KIF6: variants seen among roughly 807,000 people sequenced by gnomAD.
KIF6 encodes the protein kinesin family member 6, also known as kinesin-like protein KIF6.
A neutral mutation model predicts 112.7 loss-of-function variants in KIF6; 106 were observed. That is an observed-to-expected ratio of 0.94 (90% confidence interval 0.80 to 1.11). The LOEUF is 1.11. Ranked by LOEUF, KIF6 falls within the 50% of genes least tolerant of loss-of-function variation. The pLI is 0.00. For synonymous variants in KIF6, 339 were observed against 339.9 expected (o/e 1.00, Z 0.03); for missense variants, 929 against 964.0 (o/e 0.96, Z 0.48).
Position 39,577,995 on chromosome 6 carries a change from C to A in KIF6, c.1181+61G>T, listed in dbSNP as rs549069943. ...GGTGAATTCATAACATTAGGGCCAA[C>A]AAAGAAGTTAACACAAACTTTCACT... is the stretch of plus-strand genomic sequence containing the variant. On this transcript the variant is annotated intron_variant, in intron 10 of 22. Transcript: ENST00000287152. 1.6e-5 allele frequency: 18 copies of A among 1,160,884 alleles called. No individual in the cohort carries two copies. The African/African-American group carries it at 2.5e-4, about 16-fold the overall frequency. The allele number at this position is 1,160,884 out of a possible 1,614,324, so 71.9% of individuals were successfully genotyped here. A position where few individuals can be genotyped will look rare whatever the true frequency, so the allele number is the denominator to read the frequency against.
At chr6:39,358,160 G>A (rs1157389982) in intron 18 of KIF6, among the ~76,000 whole-genome samples, 2 of 152,150 alleles carry the variant, frequency 1.3e-5, no homozygotes, top group Non-Finnish European at 2.9e-5. Context: ...TCTAAGTCTT[G>A]GCAGAATGCC....
chr6:39,343,909 T>C lies in KIF6; in HGVS notation c.2322-94A>G. The C allele has an allele frequency of 1.5e-6, 1 of 686,400 alleles. No individual in the cohort carries two copies. The allele number at this position is 686,400 out of a possible 1,614,324, so 42.5% of individuals were successfully genotyped here. On this transcript the variant is annotated intron_variant, in intron 21 of 22. Coordinates refer to ENST00000287152, the MANE Select transcript of KIF6 (RefSeq NM_145027.6). The surrounding 1 kb of genome is among the most constrained non-coding windows in gnomAD (Gnocchi z 4.1). ...GCTTTTCCATTTTAGGTGACTGATC[T>C]CACTCAGAAAGCTACATGACACGGC...
At chr6:39,357,512 G>A (rs569736610) in intron 18 of KIF6, 138 bp from the exon 19 acceptor site, 25 of 548,916 alleles carry the variant, frequency 4.6e-5, no homozygotes, top group East Asian at 2.9e-4. Flanking sequence ...GCAGTGGCGC[G>A]ATCTCAGCTC....
intron 15 of KIF6, among the ~76,000 whole-genome samples, chr6:39,415,304 A>C (rs1769830941): frequency 8.8e-6 from 1 of 113,114 alleles, no homozygotes; most frequent in Non-Finnish European, 1.7e-5. Context: ...TAAAATGTAA[A>C]AAAAAAAAAA....
chr6:39,637,647 C>T (rs879463444), intron 4 of KIF6, among the ~76,000 whole-genome samples: 13 of 151,958 alleles, frequency 8.6e-5, no homozygotes, highest in South Asian at 4.2e-4. Context: ...CCATGTACCT[C>T]TCTAAGGCAA....
At chr6:39,502,067 A>G (rs551634820) in intron 13 of KIF6, among the ~76,000 whole-genome samples, 120 of 152,260 alleles carry the variant, frequency 7.9e-4, no homozygotes, top group Non-Finnish European at 1.5e-3. Context: ...AAAGAAAAAA[A>G]ATGTTAAGGG....
chr6:39,419,849 G>T, intron 15 of KIF6, 99 bp downstream of exon 15: 2 of 1,022,266 alleles, frequency 2.0e-6, no homozygotes, highest in Non-Finnish European at 1.6e-6. Context: ...CCTGAAACTG[G>T]CCATTTGGGG....
chr6:39,348,569 C>A (rs1763976964), intron 19 of KIF6, among the ~76,000 whole-genome samples: 1 of 152,198 alleles, frequency 6.6e-6, no homozygotes, highest in Non-Finnish European at 1.5e-5. Flanking sequence ...TTTGCCCAAC[C>A]AGCCTTTGAC....
intron 13 of KIF6, among the ~76,000 whole-genome samples, chr6:39,477,636 G>A (rs1774515090): frequency 1.3e-5 from 2 of 152,194 alleles, no homozygotes; most frequent in African/African-American, 4.8e-5. Context: ...GCCAAGGCTG[G>A]TGGATCACAA....
chr6:39,428,308 T>C (rs6900629), intron 14 of KIF6, among the ~76,000 whole-genome samples: 29,670 of 152,152 alleles, frequency 0.2, 6,805 homozygotes, highest in African/African-American at 0.55. Flanking sequence ...TGGCTGAAGG[T>C]TCTTTGGAAG....
intron 13 of KIF6, among the ~76,000 whole-genome samples, chr6:39,507,669 TTCCTTCCTTC>T (rs1263782646): frequency 1.4e-5 from 2 of 141,430 alleles, no homozygotes; most frequent in African/African-American, 5.3e-5. Flanking sequence ...CCTTCCTTCC[TTCCTTCCTTC>T]CTTCCTTCCT....
intron 1 of KIF6, among the ~76,000 whole-genome samples, chr6:39,724,439 C>T (rs1363880461): frequency 8.7e-6 from 1 of 115,040 alleles, no homozygotes; most frequent in Admixed American, 1.3e-4. Flanking sequence ...GGTGGCAGAG[C>T]GAGACTCCGT....
intron 10 of KIF6, among the ~76,000 whole-genome samples, chr6:39,565,025 C>G (rs1373894402): frequency 6.6e-6 from 1 of 152,176 alleles, no homozygotes; most frequent in African/African-American, 2.4e-5. Flanking sequence ...GTCAGAGGGA[C>G]AAGTATCCAT....
chr6:39,461,798 T>C (rs1432013622), intron 13 of KIF6, among the ~76,000 whole-genome samples: 1 of 152,208 alleles, frequency 6.6e-6, no homozygotes, highest in East Asian at 1.9e-4. Flanking sequence ...TTAATATTTG[T>C]ATCTGTATTG....
chr6:39,474,784 A>G (rs1378073011), intron 13 of KIF6, among the ~76,000 whole-genome samples: 5 of 152,234 alleles, frequency 3.3e-5, no homozygotes, highest in Non-Finnish European at 7.3e-5. Flanking sequence ...TTATCTCTGG[A>G]TAAGTGGCAA....
At chr6:39,550,815 T>C (rs1156864359) in intron 10 of KIF6, among the ~76,000 whole-genome samples, 1 of 152,220 alleles carries the variant, frequency 6.6e-6, no homozygotes, top group African/African-American at 2.4e-5. Context: ...GGGTGAGTTG[T>C]CTCTGACAGG....
intron 16 of KIF6, among the ~76,000 whole-genome samples, chr6:39,373,139 A>G (rs1038811450): frequency 1.3e-5 from 2 of 152,208 alleles, no homozygotes; most frequent in African/African-American, 4.8e-5. Flanking sequence ...TTTGTCTTCT[A>G]TATGTTTGGT....
Position 39,345,764 on chromosome 6 carries a change from G to A in KIF6, c.2257C>T (p.Pro753Ser), listed in dbSNP as rs780453398. Residue 753 changes from proline to serine, a missense_variant, in exon 21 of 23, where the codon CCC (proline) becomes TCC (serine). By Grantham distance (74) the Pro-to-Ser change is moderately conservative (BLOSUM62 -1). This residue lies in a region of KIF6 where 241 missense variants were observed against 301.4 expected (regional missense o/e 0.80). Transcript: ENST00000287152. ...VCDVNARKILPSPCPSPHSQK... is the reference protein window; with the variant it reads ...VCDVNARKILSSPCPSPHSQK... The stretch of plus-strand genomic sequence containing the variant: ...CTGTGTGGACTGGGGCAAGGCGAGG[G>A]CAGGATTTTCCTGGCATTCACATCA... The A allele has an allele frequency of 1.2e-6, 2 of 1,613,944 alleles. No individual in the cohort carries two copies. Among genetic ancestry groups the A allele is most frequent in the African/African-American group, 1.3e-5 (1 of 75,030 alleles).
At chr6:39,625,514 C>T (rs1211717528) in intron 5 of KIF6, among the ~76,000 whole-genome samples, 1 of 152,072 alleles carries the variant, frequency 6.6e-6, no homozygotes, top group Non-Finnish European at 1.5e-5. Flanking sequence ...CAGGAAAGCA[C>T]CCCCAACTCC....
Sources: allele counts gnomAD v4.1 joint callset (sites outside exome capture counted in the v4.1 genomes callset), GRCh38; gene constraint gnomAD v4.1.1; regional missense constraint gnomAD v4.1.1; non-coding constraint Gnocchi (gnomAD v3.1); transcripts MANE v1.5; gene names NCBI Gene and HGNC (gene_info 2026-07-23, HGNC 2026-07-21).